SERPINB4: variants seen among roughly 807,000 people sequenced by gnomAD.
The protein encoded by SERPINB4 is serpin family B member 4.
In SERPINB4, 39 loss-of-function variants were observed where a neutral mutation model predicts 33.2. That is an observed-to-expected ratio of 1.18 (90% CI 0.91 to 1.53). The LOEUF is 1.53. Ranked by LOEUF, SERPINB4 falls within the 40% of genes most tolerant of loss-of-function variation. The pLI is 0.00. For missense variants in SERPINB4, 564 were observed against 455.4 expected, an observed-to-expected ratio of 1.24 and a Z score of -2.17; for synonymous variants, 191 against 166.4, an observed-to-expected ratio of 1.15 and a Z score of -1.14.
At chr18:63,639,400 A>T in intron 6 of SERPINB4, 60 bp from the exon 7 acceptor site, 1 of 1,475,320 alleles carries the variant, frequency 6.8e-7, no homozygotes, top group Non-Finnish European at 9.3e-7. Context: ...AAAAGATAAT[A>T]TTATTGAGAT....
chr18:63,638,154 A>G (rs746032525), intron 7 of SERPINB4, 31 bp from the exon 8 acceptor site: 5 of 1,597,758 alleles, frequency 3.1e-6, no homozygotes, highest in Non-Finnish European at 3.4e-6. Context: ...AACTGATATG[A>G]CTAACTGTCG....
chr18:63,640,368 TG>T (rs1913085679), intron 5 of SERPINB4, among the ~76,000 whole-genome samples: 1 of 152,056 alleles, frequency 6.6e-6, no homozygotes, highest in Non-Finnish European at 1.5e-5. Context: ...TCAAGCTCTT[TG>T]CCCTTGATGG....
chr18:63,642,549 T>A (rs761578633), intron 3 of SERPINB4, among the ~76,000 whole-genome samples: 6 of 152,124 alleles, frequency 3.9e-5, no homozygotes, highest in Admixed American at 2.6e-4. Flanking sequence ...TAAGCCTGTT[T>A]AAATCTAGAA....
In SERPINB4 at chr18:63,641,967, G is replaced by A. The variant is rs982275081; in HGVS notation, c.223-79C>T. 2.2e-5 allele frequency: 35 copies of A among 1,586,998 alleles called. No homozygotes were observed. In the African/African-American group the frequency reaches 4.3e-4, roughly 20 times the overall value. On this transcript the variant is annotated intron_variant, in intron 3 of 7. Transcript: ENST00000341074. ...AACCCATGCTAAGTCTGTTAGATCAGTCCCTAAATGCTGGTAGTCTCATTG... is the reference window on the plus strand; with the variant it reads ...AACCCATGCTAAGTCTGTTAGATCAATCCCTAAATGCTGGTAGTCTCATTG...
chr18:63,638,261 T>C (rs1913006182), intron 7 of SERPINB4, 138 bp from the exon 8 acceptor site: 4 of 968,904 alleles, frequency 4.1e-6, no homozygotes, highest in East Asian at 2.6e-5. Context: ...TAGACATTAT[T>C]ATTCTAATAG....
chr18:63,643,111 T>A, intron 3 of SERPINB4, 50 bp downstream of exon 3: 1 of 1,610,670 alleles, frequency 6.2e-7, no homozygotes, highest in Non-Finnish European at 8.5e-7. Context: ...AGGTTTAAAC[T>A]ATGACCTGTT....
In SERPINB4 at chr18:63,643,539, G is replaced by A. The variant is rs201764023; in HGVS notation, c.39C>T (p.Phe13=). 1.9e-5 allele frequency: 30 copies of A among 1,613,586 alleles called. No individual in the cohort carries two copies. The highest frequency in any genetic ancestry group is 6.7e-5 in the African/African-American group (5 of 74,968). The change falls in exon 2 of 8, where the codon TTC becomes TTT. Residue 13 remains phenylalanine, a synonymous_variant. Coordinates refer to ENST00000341074, the MANE Select transcript of SERPINB4 (RefSeq NM_002974.4). ...SLSEANTKFM[F]DLFQQFRKSK... The stretch of plus-strand genomic sequence containing the variant: ...ATTTTCTGAACTGTTGGAACAGATC[G>A]AACATGAACTTGGTGTTGGCTTCAC...
chr18:63,640,229 G>A (rs1009958680), intron 5 of SERPINB4, among the ~76,000 whole-genome samples: 3 of 151,882 alleles, frequency 2.0e-5, no homozygotes, highest in African/African-American at 7.3e-5. Flanking sequence ...AATATGAAAC[G>A]CATGTCCTGT....
chr18:63,640,881 T>C lies in SERPINB4; in HGVS notation c.462A>G (p.Gln154=), dbSNP rs1025893643. 2 of 1,612,108 alleles carry C rather than the reference T, an allele frequency of 1.2e-6. No homozygotes were observed. The highest frequency in any genetic ancestry group is 2.2e-5 in the East Asian group (1 of 44,844). ...RKKINSWVES[Q]TNEKIKNLFP... is the part of the protein sequence containing the mutation. ...AATGGGTGGCTCTCCTACCATTCGT[T>C]TGACTTTCCACCCAGGAGTTAATCT... is the stretch of plus-strand genomic sequence containing the variant. The change falls in exon 5 of 8, where the codon CAA becomes CAG. Residue 154 remains glutamine (Q), a synonymous_variant. Coordinates refer to ENST00000341074, the MANE Select transcript of SERPINB4 (RefSeq NM_002974.4).
rs1913144816 is a variant in SERPINB4 at position 63,641,870 on chromosome 18, C to T, written c.241G>A (p.Val81Ile). Residue 81 changes from valine to isoleucine, a missense_variant, in exon 4 of 8, where the codon GTT becomes ATT. Coordinates refer to ENST00000341074, the MANE Select transcript of SERPINB4 (RefSeq NM_002974.4). ...AGAAGCTTTTGAAACTGGTGATGAA[C>T]ATTTCCTGACCTATCAACCTTCAAA... ...ATYHVDRSGNVHHQFQKLLTE... is the reference protein window; with the variant it reads ...ATYHVDRSGNIHHQFQKLLTE... 1 of 1,613,146 alleles carries T rather than the reference C, an allele frequency of 6.2e-7. No individual in the cohort carries two copies. Among genetic ancestry groups the T allele is most frequent in the African/African-American group, 1.3e-5 (1 of 74,854 alleles).
At chr18:63,639,486 C>T in intron 6 of SERPINB4, 146 bp from the exon 7 acceptor site, 3 of 1,032,402 alleles carry the variant, frequency 2.9e-6, no homozygotes, top group Non-Finnish European at 4.1e-6. Context: ...TCAGGTATTC[C>T]TAACTAAATA....
intron 3 of SERPINB4, among the ~76,000 whole-genome samples, chr18:63,642,641 C>T (rs368921519): frequency 1.3e-5 from 2 of 152,028 alleles, no homozygotes; most frequent in African/African-American, 2.4e-5. Context: ...CCAAAATATA[C>T]TTGGACTTGT....
chr18:63,643,775 T>G (rs1423123396), intron 1 of SERPINB4, among the ~76,000 whole-genome samples, 172 bp from the exon 2 acceptor site: 1 of 152,172 alleles, frequency 6.6e-6, no homozygotes, highest in Non-Finnish European at 1.5e-5. Flanking sequence ...TTAAATATAT[T>G]AATGTCCTAA....
Position 63,641,776 on chromosome 18 carries a change from G to A in SERPINB4, c.335C>T (p.Thr112Met), listed in dbSNP as rs781536461. 10 of 1,613,208 alleles carry A rather than the reference G, an allele frequency of 6.2e-6. No individual in the cohort carries two copies. The highest frequency in any genetic ancestry group is 3.3e-5 in the Admixed American group (2 of 59,938). Residue 112 changes from threonine to methionine, a missense_variant, in exon 4 of 8, where the codon ACG becomes ATG. By Grantham distance (81) the Thr-to-Met change is moderately conservative (BLOSUM62 -1). Coordinates refer to ENST00000341074, the MANE Select transcript of SERPINB4 (RefSeq NM_002974.4). ...TGAAATTACCTGTAAAAATTGATAC[G>A]TCTTTTCTCCGAAGAGCTTGTTGGC... Reference protein sequence around the residue: ...KIANKLFGEKTYQFLQEYLDA... With the variant: ...KIANKLFGEKMYQFLQEYLDA...
In SERPINB4 at chr18:63,641,001, A is replaced by G. The variant is rs1324841362; in HGVS notation, c.352-10T>C. On this transcript the variant is annotated splice_polypyrimidine_tract_variant and intron_variant, in intron 4 of 7. Coordinates refer to ENST00000341074, the MANE Select transcript of SERPINB4 (RefSeq NM_002974.4). ...TGGCATCTAAATATTCCTTTGAGAT[A>G]TGAAGGAAGAAGTAGGAATTAGGAG... 1 of 1,597,024 alleles carries G rather than the reference A, an allele frequency of 6.3e-7. No homozygotes were observed. The highest frequency in any genetic ancestry group is 1.3e-5 in the African/African-American group (1 of 74,466).
chr18:63,639,092 C>T (rs143517145), intron 7 of SERPINB4, 93 bp downstream of exon 7: 4 of 1,374,190 alleles, frequency 2.9e-6, no homozygotes, highest in African/African-American at 2.9e-5. Context: ...CATTTTGAGG[C>T]AACTCGGTCA....
rs140002034 is a variant in SERPINB4 at position 63,642,918 on chromosome 18, C to T, written c.222+243G>A. On this transcript the variant is annotated intron_variant, in intron 3 of 7. Coordinates refer to ENST00000341074, the MANE Select transcript of SERPINB4 (RefSeq NM_002974.4). ...CATTTGTGAAGAGCAAAGCTGGAGTCTGAACCCAGCCTATCCTGATCCAGA... is the reference window on the plus strand; with the variant it reads ...CATTTGTGAAGAGCAAAGCTGGAGTTTGAACCCAGCCTATCCTGATCCAGA... 1.1e-3 allele frequency: 579 copies of T among 519,108 alleles called. 4 individuals are homozygous for T. Among genetic ancestry groups the T allele is most frequent in the Middle Eastern group, 3.2e-3 (6 of 1,904 alleles). The allele number at this position is 519,108 out of a possible 1,614,324, so 32.2% of individuals were successfully genotyped here.
In SERPINB4 at chr18:63,637,507, TC is replaced by T. The variant is rs2144459596; in HGVS notation, c.*211del. The T allele has an allele frequency of 4.2e-6, 2 of 473,764 alleles. No individual in the cohort carries two copies. Among genetic ancestry groups the T allele is most frequent in the East Asian group, 6.6e-5 (2 of 30,124 alleles). The allele number at this position is 473,764 out of a possible 1,614,324, so 29.3% of individuals were successfully genotyped here. A position where few individuals can be genotyped will look rare whatever the true frequency, so the allele number is the denominator to read the frequency against. On this transcript the variant is annotated 3_prime_UTR_variant, in exon 8 of 8. Transcript: ENST00000341074. ...GACATTTTTCCTCAAGGGAAATTTTTCTGGAAGGAAAAGTACATTTATATGT... is the reference window on the plus strand; with the variant it reads ...GACATTTTTCCTCAAGGGAAATTTTTTGGAAGGAAAAGTACATTTATATGT...
rs141585047 is a variant in SERPINB4 at position 63,640,707 on chromosome 18, G to T, written c.469+167C>A. On this transcript the variant is annotated intron_variant, in intron 5 of 7. Coordinates refer to ENST00000341074, the MANE Select transcript of SERPINB4 (RefSeq NM_002974.4). ...TGTGATTTCCTCCTTGGCTCCCCTA[G>T]GCTCTCTTCATATTCATTTGGACAA... Among the ~76,000 whole-genome samples the T allele has an allele frequency of 2.3e-4, 35 of 151,998 alleles. No homozygotes were observed. The East Asian group carries it at 6.2e-3, about 27-fold the overall frequency.
Sources: allele counts gnomAD v4.1 joint callset (sites outside exome capture counted in the v4.1 genomes callset), GRCh38; gene constraint gnomAD v4.1.1; transcripts MANE v1.5; gene names NCBI Gene and HGNC (gene_info 2026-07-23, HGNC 2026-07-21).